Variants in KHDC4 observed in about 807,000 individuals in gnomAD.
KHDC4 encodes the protein KH domain containing 4, pre-mRNA splicing factor, also known as KH homology domain-containing protein 4.
Under a neutral mutation model 74.5 loss-of-function variants are expected in KHDC4, and 19 were observed. The observed-to-expected ratio is 0.26, with a 90% CI of 0.18 to 0.37. KHDC4 has a LOEUF of 0.37. Ranked by LOEUF, KHDC4 falls within the 10% of genes least tolerant of loss-of-function variation. The pLI is 1.00. For missense variants in KHDC4, 632 were observed against 754.1 expected (o/e 0.84, Z 1.90); for synonymous variants, 253 against 266.1 (o/e 0.95, Z 0.48).
intron 4 of KHDC4, among the ~76,000 whole-genome samples, chr1:155,928,806 G>T (rs1418154268): frequency 6.6e-6 from 1 of 151,780 alleles, no homozygotes; most frequent in Non-Finnish European, 1.5e-5. Context: ...CAAAAAATTA[G>T]CCAGGCGTGG....
intron 4 of KHDC4, among the ~76,000 whole-genome samples, chr1:155,928,874 C>G (rs1438007485): frequency 2.0e-5 from 3 of 151,180 alleles, no homozygotes; most frequent in Non-Finnish European, 2.9e-5. Flanking sequence ...ATGGCATGAA[C>G]CCAGGAGGCA....
chr1:155,925,772 C>T lies in KHDC4; in HGVS notation c.753G>A (p.Lys251=). 6.2e-7 allele frequency: 1 copy of T among 1,614,212 alleles called. No homozygotes were observed. The highest frequency in any genetic ancestry group is 8.5e-7 in the Non-Finnish European group (1 of 1,180,036). ...HAVPTFNVKE[K]VEGPGCSYLQ... is the part of the protein sequence containing the mutation. Reference sequence around the variant, plus strand: ...AATAGGAGCAGCCTGGACCTTCCACCTTCTCCTTGACATTAAAAGTGGGTA... The same window carrying T: ...AATAGGAGCAGCCTGGACCTTCCACTTTCTCCTTGACATTAAAAGTGGGTA... Residue 251 remains lysine, a synonymous_variant, in exon 7 of 14, where the codon AAG becomes AAA. Transcript: ENST00000368321.
At chr1:155,925,541 A>G in intron 7 of KHDC4, 91 bp downstream of exon 7, 3 of 910,224 alleles carry the variant, frequency 3.3e-6, no homozygotes, top group Non-Finnish European at 5.4e-6. Context: ...TATTAATTAC[A>G]CCCAGTTTTC....
At chr1:155,926,933 A>G in intron 5 of KHDC4, 94 bp from the exon 6 acceptor site, 1 of 1,437,960 alleles carries the variant, frequency 7.0e-7, no homozygotes, top group Non-Finnish European at 9.8e-7. Context: ...TCTGCTTTAT[A>G]CGTTACCCAA....
chr1:155,922,700 C>T (rs1454337003), intron 8 of KHDC4, among the ~76,000 whole-genome samples: 1 of 152,084 alleles, frequency 6.6e-6, no homozygotes, highest in African/African-American at 2.4e-5. Flanking sequence ...CTCATACTTC[C>T]TTCCTATATA....
At chr1:155,927,027 C>T in intron 5 of KHDC4, 77 bp downstream of exon 5, 1 of 1,448,302 alleles carries the variant, frequency 6.9e-7, no homozygotes, top group East Asian at 2.3e-5. Context: ...ATCAGGGACA[C>T]TTTGCCAACT....
At chr1:155,928,570 A>C (rs1557971045) in intron 4 of KHDC4, among the ~76,000 whole-genome samples, 1 of 145,400 alleles carries the variant, frequency 6.9e-6, no homozygotes, top group Non-Finnish European at 1.5e-5. Context: ...CTGAATAATC[A>C]CAAACTATAA....
At chr1:155,922,334 C>T (rs1042484547) in intron 8 of KHDC4, among the ~76,000 whole-genome samples, 3 of 151,852 alleles carry the variant, frequency 2.0e-5, no homozygotes, top group South Asian at 2.1e-4. Context: ...TTAGTAGAGA[C>T]GGGGGTTTCA....
At chr1:155,926,593 A>C (rs761034809) in intron 6 of KHDC4, 83 bp downstream of exon 6, 2 of 1,478,598 alleles carry the variant, frequency 1.4e-6, no homozygotes, top group South Asian at 2.3e-5. Flanking sequence ...CTGGGATTAC[A>C]GGAATGAGCC....
At chr1:155,919,390 G>A (rs1353133595) in intron 10 of KHDC4, among the ~76,000 whole-genome samples, 3 of 152,130 alleles carry the variant, frequency 2.0e-5, no homozygotes, top group Non-Finnish European at 4.4e-5. Flanking sequence ...GGCTGGGCAC[G>A]GTGGCTTATG....
At chr1:155,928,602 A>G (rs1008909801) in intron 4 of KHDC4, among the ~76,000 whole-genome samples, 2 of 151,046 alleles carry the variant, frequency 1.3e-5, no homozygotes, top group African/African-American at 2.4e-5. Context: ...ACAAAAAAAA[A>G]AAAAAAAAAA....
intron 3 of KHDC4, 67 bp from the exon 4 acceptor site, chr1:155,929,442 C>T: frequency 7.7e-7 from 1 of 1,294,716 alleles, no homozygotes; most frequent in Non-Finnish European, 1.1e-6. Context: ...GACAGATTTT[C>T]TTCCCATTCA....
intron 8 of KHDC4, among the ~76,000 whole-genome samples, chr1:155,922,917 C>T (rs1673897339): frequency 6.6e-6 from 1 of 152,178 alleles, no homozygotes; most frequent in African/African-American, 2.4e-5. Flanking sequence ...GCTATAAAGA[C>T]AGTCCTGGCC....
chr1:155,917,056 G>C, intron 11 of KHDC4: 1 of 246,914 alleles, frequency 4.0e-6, no homozygotes. Flanking sequence ...AATGATTCAA[G>C]GATTCTGGCA....
At chr1:155,930,419 G>A (rs1207797447) in intron 2 of KHDC4, among the ~76,000 whole-genome samples, 1 of 152,154 alleles carries the variant, frequency 6.6e-6, no homozygotes, top group Non-Finnish European at 1.5e-5. Context: ...ATTTCTCTGT[G>A]ACCTTGGCCC....
intron 7 of KHDC4, among the ~76,000 whole-genome samples, chr1:155,924,541 G>A (rs1237968621): frequency 6.7e-6 from 1 of 149,412 alleles, no homozygotes; most frequent in African/African-American, 2.5e-5. Flanking sequence ...GAATACTAAA[G>A]AGATAATTCC....
chr1:155,917,031 T>C (rs1673746863), intron 11 of KHDC4: 1 of 259,952 alleles, frequency 3.8e-6, no homozygotes, highest in East Asian at 8.2e-5. Flanking sequence ...TATAAAAAAA[T>C]GCTTTGGTTT....
At chr1:155,927,000 C>A in intron 5 of KHDC4, 104 bp downstream of exon 5, 1 of 1,334,774 alleles carries the variant, frequency 7.5e-7, no homozygotes, top group Non-Finnish European at 1.1e-6. Flanking sequence ...AGTTCATGAA[C>A]AAGGGTTAGA....
At chr1:155,932,434 T>C (rs1483376909) in intron 2 of KHDC4, 2 of 152,174 alleles carry the variant, frequency 1.3e-5, no homozygotes, top group Non-Finnish European at 2.9e-5. Context: ...CTGTGGATTC[T>C]GGGTTTCAAA....
Sources: gnomAD v4.1 joint callset for allele counts (sites outside exome capture counted in the v4.1 genomes callset) on GRCh38, gnomAD v4.1.1 for gene constraint, MANE v1.5 for transcripts, NCBI Gene and HGNC (gene_info 2026-07-23, HGNC 2026-07-21) for gene names.